The following LOXHD1 variants were observed in gnomAD, a reference collection of about 807,000 sequenced individuals.
LOXHD1 encodes lipoxygenase homology domain-containing protein 1.
Under a neutral mutation model 248.2 loss-of-function variants are expected in LOXHD1, and 205 were observed. The ratio of observed to expected loss-of-function variants is 0.83; its 90% CI spans 0.74 to 0.93. The LOEUF is 0.93. Among genes scored for constraint, LOXHD1 ranks in the 40% least tolerant of loss-of-function variants. The probability of loss-of-function intolerance (pLI) is 0.00; values close to 1 mark genes in which losing one functional copy is unlikely to be tolerated. For missense variants in LOXHD1, 2,930 were observed against 2,971.6 expected, an observed-to-expected ratio of 0.99 and a Z score of 0.33; for synonymous variants, 1,113 against 1,162.8, an observed-to-expected ratio of 0.96 and a Z score of 0.87.
intron 5 of LOXHD1, among the ~76,000 whole-genome samples, chr18:46,611,724 A>G (rs2038511471): frequency 6.6e-6 from 1 of 152,208 alleles, no homozygotes; most frequent in African/African-American, 2.4e-5. Context: ...GAGAGATAAC[A>G]GATACTAACA....
At chr18:46,530,102 G>A (rs187130706) in intron 28 of LOXHD1, among the ~76,000 whole-genome samples, 5 of 152,240 alleles carry the variant, frequency 3.3e-5, no homozygotes, top group Non-Finnish European at 7.4e-5. Flanking sequence ...TTTTATGAAG[G>A]CTAAAAATTG....
chr18:46,502,136 A>C (rs1048110754), intron 37 of LOXHD1, among the ~76,000 whole-genome samples: 3 of 152,220 alleles, frequency 2.0e-5, no homozygotes, highest in Non-Finnish European at 2.9e-5. Flanking sequence ...TGTTTCTTCT[A>C]TTAAATTTAT....
At position 46,638,427 on chromosome 18, in the gene LOXHD1, T is replaced by A. The variant is rs1201056697; in HGVS notation, c.511+1189A>T. Among the ~76,000 whole-genome samples the A allele has an allele frequency of 2.0e-5, 3 of 151,246 alleles. No individual in the cohort carries two copies. The East Asian group carries it at 5.8e-4, about 29-fold the overall frequency. On this transcript the variant is annotated intron_variant, in intron 4 of 40. Coordinates refer to ENST00000642948, the MANE Select transcript of LOXHD1 (RefSeq NM_001384474.1). ...TGGGTGGATCACCTGAGGTCAGGAGTTTCAGACCAGCCTGGCCAACATGGT... is the reference window on the plus strand; with the variant it reads ...TGGGTGGATCACCTGAGGTCAGGAGATTCAGACCAGCCTGGCCAACATGGT...
intron 12 of LOXHD1, among the ~76,000 whole-genome samples, chr18:46,583,034 A>T (rs2037992719): frequency 1.3e-5 from 2 of 152,176 alleles, no homozygotes; most frequent in Admixed American, 6.5e-5. Flanking sequence ...ACGGAATCAG[A>T]CTCTGTTACA....
chr18:46,555,473 G>A (rs1206316985), intron 21 of LOXHD1: 4 of 202,266 alleles, frequency 2.0e-5, no homozygotes, highest in African/African-American at 4.5e-5. Context: ...GTGTTCCCTC[G>A]GGCTGGTAGG....
chr18:46,501,341 T>C (rs1345880570), intron 37 of LOXHD1, among the ~76,000 whole-genome samples: 1 of 152,222 alleles, frequency 6.6e-6, no homozygotes, highest in African/African-American at 2.4e-5. Context: ...ATTGTCCTTT[T>C]CATGGTCTAT....
In LOXHD1 at chr18:46,548,455, G is replaced by A. The variant is rs192387085; in HGVS notation, c.3351-1397C>T. On this transcript the variant is annotated intron_variant, in intron 21 of 40. Coordinates refer to ENST00000642948, the MANE Select transcript of LOXHD1 (RefSeq NM_001384474.1). ...TCAATGGGCTCAGATGGGGTGCTGA[G>A]GGGGGCAACGTTACACTGATGGCAT... 1.8e-3 allele frequency among the ~76,000 whole-genome samples: 273 copies of A among 152,278 alleles called. 3 individuals are homozygous for A. The highest frequency in any genetic ancestry group is 6.2e-3 in the African/African-American group (258 of 41,550).
intron 2 of LOXHD1, among the ~76,000 whole-genome samples, chr18:46,648,244 C>A (rs890649753): frequency 6.6e-6 from 1 of 151,940 alleles, no homozygotes; most frequent in Admixed American, 6.6e-5. Context: ...GGCGACAGAG[C>A]GAGACTCCAT....
In LOXHD1 at chr18:46,591,949, C is replaced by A. The variant is rs752186084; in HGVS notation, c.1638G>T (p.Val546=). ...VREMTAEGPT[V]RRIMGMARYH... ...AGTACTTACTGCCCATGATCCTGCGCACTGTTGGGCCTTCTGCAGTCATTT... is the reference window on the plus strand; with the variant it reads ...AGTACTTACTGCCCATGATCCTGCGAACTGTTGGGCCTTCTGCAGTCATTT... Residue 546 remains valine, a synonymous_variant, in exon 12 of 41, where the codon GTG becomes GTT. Transcript: ENST00000642948. 6.4e-7 allele frequency: 1 copy of A among 1,551,768 alleles called. No individual in the cohort carries two copies. Among genetic ancestry groups the A allele is most frequent in the Non-Finnish European group, 8.7e-7 (1 of 1,147,012 alleles).
chr18:46,510,282 C>T (rs2034878614), intron 34 of LOXHD1, among the ~76,000 whole-genome samples: 1 of 152,212 alleles, frequency 6.6e-6, no homozygotes, highest in South Asian at 2.1e-4. Context: ...GTGGGGCAGG[C>T]TGTGCACTGC....
intron 1 of LOXHD1, 108 bp downstream of exon 1, chr18:46,656,796 G>T: frequency 7.9e-7 from 1 of 1,268,980 alleles, no homozygotes; most frequent in Admixed American, 2.2e-5. Context: ...TAATCAGTGA[G>T]GAAGGGCTTG....
intron 31 of LOXHD1, among the ~76,000 whole-genome samples, chr18:46,523,030 C>A (rs937830789): frequency 6.6e-6 from 1 of 152,116 alleles, no homozygotes; most frequent in Non-Finnish European, 1.5e-5. Context: ...TCACCGCAAC[C>A]TCTGCCTCCC....
At chr18:46,512,691 C>G (rs113716067) in intron 34 of LOXHD1, among the ~76,000 whole-genome samples, 1 of 152,314 alleles carries the variant, frequency 6.6e-6, no homozygotes, top group Non-Finnish European at 1.5e-5. Context: ...CATGGCCAAC[C>G]TTTAGTAAGT....
At chr18:46,550,520 C>A (rs867937572) in intron 21 of LOXHD1, among the ~76,000 whole-genome samples, 12 of 140,194 alleles carry the variant, frequency 8.6e-5, no homozygotes, top group African/African-American at 3.1e-4. Context: ...TTGCAGTGAG[C>A]CGAGATTGCG....
intron 8 of LOXHD1, among the ~76,000 whole-genome samples, chr18:46,600,597 C>CA (rs201576655): frequency 0.042 from 3,275 of 77,226 alleles, 59 homozygotes; most frequent in Middle Eastern, 0.068. Flanking sequence ...AAACTCTGTC[C>CA]AAAAAAAAAG....
chr18:46,601,159 C>T, intron 8 of LOXHD1, 58 bp downstream of exon 8: 2 of 1,516,910 alleles, frequency 1.3e-6, no homozygotes, highest in Non-Finnish European at 8.9e-7. Context: ...TTTGTACTTG[C>T]AAGTTAAAGA....
chr18:46,589,523 G>C (rs897199473), intron 12 of LOXHD1, among the ~76,000 whole-genome samples: 1 of 152,198 alleles, frequency 6.6e-6, no homozygotes, highest in African/African-American at 2.4e-5. Context: ...GGCTCTTAAG[G>C]CTTAGTATGC....
At position 46,507,526 on chromosome 18, in the gene LOXHD1, C is replaced by T. The variant is rs200518261; in HGVS notation, c.5692+12G>A. ...GTAAGGGAGCGGGAGGTGTGAGGGA[C>T]CCCCGACCCACCCAGGATGTCGCTG... is the stretch of plus-strand genomic sequence containing the variant. On this transcript the variant is annotated intron_variant, in intron 36 of 40. Coordinates refer to ENST00000642948, the MANE Select transcript of LOXHD1 (RefSeq NM_001384474.1). The T allele has an allele frequency of 1.8e-3, 2,855 of 1,551,298 alleles. 24 individuals are homozygous for T. The Middle Eastern group carries it at 0.03, about 16-fold the overall frequency.
At chr18:46,544,231 C>T (rs1348110220) in intron 23 of LOXHD1, among the ~76,000 whole-genome samples, 3 of 152,168 alleles carry the variant, frequency 2.0e-5, no homozygotes, top group African/African-American at 7.2e-5. Context: ...CACTGGGTGG[C>T]CTTGGGAAAA....
Sources: gnomAD v4.1 joint callset for allele counts (sites outside exome capture counted in the v4.1 genomes callset) on GRCh38, gnomAD v4.1.1 for gene constraint, MANE v1.5 for transcripts, NCBI Gene and HGNC (gene_info 2026-07-23, HGNC 2026-07-21) for gene names.